The following ABHD17B variants were observed in gnomAD, a reference collection of about 807,000 sequenced individuals.
ABHD17B encodes the protein abhydrolase domain containing 17B, depalmitoylase.
ABHD17B carries 9 observed loss-of-function variants against 26.2 expected under a neutral mutation model. That is an observed-to-expected ratio of 0.34 (90% CI 0.21 to 0.60). The LOEUF (loss-of-function observed/expected upper bound fraction) is 0.60, where lower values mean the gene tolerates loss of function less well. ABHD17B is among the 20% of genes least tolerant of loss of function. ABHD17B has a pLI of 0.80. For synonymous variants in ABHD17B, 127 were observed against 122.3 expected, an observed-to-expected ratio of 1.04 and a Z score of -0.25; for missense variants, 224 against 352.1, an observed-to-expected ratio of 0.64 and a Z score of 2.91.
Position 71,894,090 on chromosome 9 carries a change from A to G in ABHD17B, c.-4+16544T>C, listed in dbSNP as rs1222784939. ...GCGACAGAGCGAGACTCTATCTCAA[A>G]AAAAAAAAAAAAAAAAAAAAAAAAA... On this transcript the variant is annotated intron_variant, in intron 1 of 3. Transcript: ENST00000333421. Among the ~76,000 whole-genome samples, 3 of 2,230 alleles carry G rather than the reference A, an allele frequency of 1.3e-3. No homozygotes were observed. The Non-Finnish European group carries it at 0.016, about 12-fold the overall frequency. 1.5% of individuals were successfully genotyped at this position (2,230 alleles called of 152,430 possible).
chr9:71,892,299 G>A (rs968105244), intron 1 of ABHD17B, among the ~76,000 whole-genome samples: 4 of 152,040 alleles, frequency 2.6e-5, no homozygotes, highest in Non-Finnish European at 4.4e-5. Flanking sequence ...TTGGGAGGTC[G>A]AGGTGGGCGA....
intron 1 of ABHD17B, among the ~76,000 whole-genome samples, chr9:71,895,713 A>G (rs978077702): frequency 2.0e-5 from 3 of 152,198 alleles, no homozygotes; most frequent in African/African-American, 7.2e-5. Context: ...TCAGGATAAC[A>G]TTATACTGTA....
intron 2 of ABHD17B, among the ~76,000 whole-genome samples, chr9:71,871,748 C>A (rs147058122): frequency 6.6e-6 from 1 of 152,286 alleles, no homozygotes; most frequent in Non-Finnish European, 1.5e-5. Flanking sequence ...AGCAGATCTT[C>A]AAAGTCACCA....
At chr9:71,881,961 T>C (rs554576559) in intron 1 of ABHD17B, among the ~76,000 whole-genome samples, 3 of 148,790 alleles carry the variant, frequency 2.0e-5, no homozygotes, top group East Asian at 3.9e-4. Context: ...AAGGGATTTA[T>C]AGACATTTCT....
At chr9:71,885,975 C>T (rs1291461472) in intron 1 of ABHD17B, among the ~76,000 whole-genome samples, 2 of 152,114 alleles carry the variant, frequency 1.3e-5, no homozygotes, top group African/African-American at 2.4e-5. Flanking sequence ...ATGCTTATAT[C>T]TTTCTTCATT....
At position 71,866,200 on chromosome 9, in the gene ABHD17B, C is replaced by CT; in HGVS notation, c.*586dup. The CT allele has an allele frequency of 1.0e-6, 1 of 981,556 alleles. No individual in the cohort carries two copies. The highest frequency in any genetic ancestry group is 1.2e-6 in the Non-Finnish European group (1 of 826,100). The allele number at this position is 981,556 out of a possible 1,614,324, so 60.8% of individuals were successfully genotyped here. A position where few individuals can be genotyped will look rare whatever the true frequency, so the allele number is the denominator to read the frequency against. ...ATGGCATAAAAATTAAGATTTACAT[C>CT]TTTTTTAAAGGATAAATGTATGTAA... On this transcript the variant is annotated 3_prime_UTR_variant, in exon 4 of 4. Transcript: ENST00000333421.
intron 1 of ABHD17B, among the ~76,000 whole-genome samples, chr9:71,885,987 T>C (rs1826596909): frequency 6.6e-6 from 1 of 152,234 alleles, no homozygotes; most frequent in Non-Finnish European, 1.5e-5. Flanking sequence ...TTCTTCATTT[T>C]GTGTGATATG....
rs1825928032 is a variant in ABHD17B at position 71,865,371 on chromosome 9, A to G, written c.*1416T>C. 1.0e-6 allele frequency: 1 copy of G among 983,100 alleles called. No homozygotes were observed. Among genetic ancestry groups the G allele is most frequent in the African/African-American group, 1.7e-5 (1 of 57,276 alleles). The allele number at this position is 983,100 out of a possible 1,614,324, so 60.9% of individuals were successfully genotyped here. A position where few individuals can be genotyped will look rare whatever the true frequency, so the allele number is the denominator to read the frequency against. On this transcript the variant is annotated 3_prime_UTR_variant, in exon 4 of 4. Coordinates refer to ENST00000333421, the MANE Select transcript of ABHD17B (RefSeq NM_001025780.3). ...AATTAGACTACATACCATTAATTTT[A>G]TTTTTATTTTTCATTGTTTTATTCA...
chr9:71,906,718 T>C (rs1020859254), intron 1 of ABHD17B, among the ~76,000 whole-genome samples: 15 of 152,082 alleles, frequency 9.9e-5, no homozygotes, highest in African/African-American at 3.6e-4. Context: ...CTCAGGAGGC[T>C]GAAGTGGGAG....
chr9:71,883,315 C>T (rs899565481), intron 1 of ABHD17B, among the ~76,000 whole-genome samples: 3 of 152,134 alleles, frequency 2.0e-5, no homozygotes, highest in Non-Finnish European at 4.4e-5. Flanking sequence ...AGACACACTG[C>T]ACAAAGTCCA....
Position 71,867,022 on chromosome 9 carries a change from A to G in ABHD17B, c.648-16T>C, listed in dbSNP as rs751699852. 7 of 1,612,178 alleles carry G rather than the reference A, an allele frequency of 4.3e-6. No individual in the cohort carries two copies. Among genetic ancestry groups the G allele is most frequent in the Admixed American group, 1.7e-5 (1 of 59,974 alleles). ...TTTGTCAATGCTGCAGGGAAAAAGGAAGGGGGAAAAATGCAATAAATTAAC... is the reference window on the plus strand; with the variant it reads ...TTTGTCAATGCTGCAGGGAAAAAGGGAGGGGGAAAAATGCAATAAATTAAC... On this transcript the variant is annotated splice_polypyrimidine_tract_variant and intron_variant, in intron 3 of 3. Coordinates refer to ENST00000333421, the MANE Select transcript of ABHD17B (RefSeq NM_001025780.3).
At position 71,866,738 on chromosome 9, in the gene ABHD17B, G is replaced by A; in HGVS notation, c.*49C>T. 1 of 1,607,022 alleles carries A rather than the reference G, an allele frequency of 6.2e-7. No homozygotes were observed. Among genetic ancestry groups the A allele is most frequent in the Non-Finnish European group, 8.5e-7 (1 of 1,176,188 alleles). On this transcript the variant is annotated 3_prime_UTR_variant, in exon 4 of 4. Coordinates refer to ENST00000333421, the MANE Select transcript of ABHD17B (RefSeq NM_001025780.3). ...CAGGTTTTATGTTATTTACCAAAGA[G>A]TGCAGTTCAGCAAGAAAGGAAAACC...
At chr9:71,872,947 T>C (rs1277692405) in intron 2 of ABHD17B, among the ~76,000 whole-genome samples, 3 of 152,014 alleles carry the variant, frequency 2.0e-5, no homozygotes, top group Non-Finnish European at 4.4e-5. Flanking sequence ...AGAACTTCGC[T>C]ATGAGAGCAT....
At chr9:71,870,397 A>G in intron 2 of ABHD17B, 135 bp from the exon 3 acceptor site, 2 of 680,792 alleles carry the variant, frequency 2.9e-6, no homozygotes, top group Non-Finnish European at 4.4e-6. Flanking sequence ...TTTCTTAGCT[A>G]TTACTGTTAG....
intron 1 of ABHD17B, among the ~76,000 whole-genome samples, chr9:71,894,032 G>A (rs949420387): frequency 2.3e-5 from 3 of 130,082 alleles, no homozygotes; most frequent in African/African-American, 5.8e-5. Context: ...CGCTTGCAGC[G>A]AGCTGAGATC....
At chr9:71,895,980 G>A (rs918260453) in intron 1 of ABHD17B, among the ~76,000 whole-genome samples, 3 of 152,118 alleles carry the variant, frequency 2.0e-5, no homozygotes, top group African/African-American at 7.2e-5. Context: ...TCAAAACTCT[G>A]GAGGTTCTTA....
chr9:71,900,769 T>C (rs1001365918), intron 1 of ABHD17B, among the ~76,000 whole-genome samples: 7 of 152,052 alleles, frequency 4.6e-5, no homozygotes, highest in South Asian at 4.2e-4. Flanking sequence ...CTCATCACTA[T>C]AGTTGCAGCC....
intron 1 of ABHD17B, among the ~76,000 whole-genome samples, chr9:71,884,863 C>T (rs561647061): frequency 1.8e-4 from 28 of 152,174 alleles, no homozygotes; most frequent in Non-Finnish European, 3.4e-4. Context: ...CAACTCTTTG[C>T]ACCCAAGAAG....
chr9:71,864,725 C>T (rs1825908094), downstream of ABHD17B, among the ~76,000 whole-genome samples: 1 of 152,138 alleles, frequency 6.6e-6, no homozygotes. Flanking sequence ...TTACCTGTTA[C>T]AATACCTTAC....
Sources: gnomAD v4.1 joint callset for allele counts (sites outside exome capture counted in the v4.1 genomes callset) on GRCh38, gnomAD v4.1.1 for gene constraint, MANE v1.5 for transcripts, NCBI Gene and HGNC (gene_info 2026-07-23, HGNC 2026-07-21) for gene names.